The following PLCB4 variants were observed in gnomAD, a reference collection of about 807,000 sequenced individuals.
PLCB4 encodes the protein phospholipase C beta 4, also known as 1-phosphatidylinositol 4,5-bisphosphate phosphodiesterase beta-4.
In PLCB4, 77 loss-of-function variants were observed where a neutral mutation model predicts 178.8. The observed-to-expected ratio is 0.43, with a 90% confidence interval of 0.36 to 0.52. PLCB4 has a LOEUF of 0.52. Ranked by LOEUF, PLCB4 falls within the 20% of genes least tolerant of loss-of-function variation. The pLI, the probability that PLCB4 is intolerant of heterozygous loss-of-function variation, is 0.00. For synonymous variants in PLCB4, 496 were observed against 490.8 expected, an observed-to-expected ratio of 1.01 and a Z score of -0.14; for missense variants, 1,024 against 1,453.4, an observed-to-expected ratio of 0.70 and a Z score of 4.80.
At chr20:9,165,795 G>T (rs986211757) in intron 2 of PLCB4, among the ~76,000 whole-genome samples, 14 of 97,068 alleles carry the variant, frequency 1.4e-4, no homozygotes, top group Admixed American at 1.4e-3. Flanking sequence ...GGGGCTGTTT[G>T]TGTGTGTGTG....
intron 2 of PLCB4, among the ~76,000 whole-genome samples, chr20:9,136,207 G>A (rs1439268605): frequency 6.6e-6 from 1 of 152,140 alleles, no homozygotes; most frequent in Non-Finnish European, 1.5e-5. Context: ...GTTATGCATT[G>A]TCTTAGGTTG....
At chr20:9,193,242 T>A (rs1383741182) in intron 2 of PLCB4, among the ~76,000 whole-genome samples, 1 of 151,942 alleles carries the variant, frequency 6.6e-6, no homozygotes, top group Non-Finnish European at 1.5e-5. Context: ...GGTAGAAGAG[T>A]AAGAAAGTGA....
At chr20:9,222,308 G>T (rs2147296915) in intron 3 of PLCB4, among the ~76,000 whole-genome samples, 1 of 152,028 alleles carries the variant, frequency 6.6e-6, no homozygotes, top group East Asian at 1.9e-4. Context: ...GACGAGGCTG[G>T]TTTGGAGTTC....
chr20:9,473,082 A>G (rs1262357033), intron 37 of PLCB4, among the ~76,000 whole-genome samples, 197 bp from the exon 38 acceptor site: 1 of 152,136 alleles, frequency 6.6e-6, no homozygotes, highest in Non-Finnish European at 1.5e-5. Context: ...TAAGTCCTCT[A>G]TTATTTTCTA....
chr20:9,372,247 C>T (rs1602179659), intron 10 of PLCB4, 56 bp from the exon 11 acceptor site: 1 of 985,042 alleles, frequency 1.0e-6, no homozygotes, highest in African/African-American at 1.6e-5. Context: ...TGTAGCTTCT[C>T]ACCCTCCAAG....
chr20:9,086,741 T>C (rs946851615), intron 1 of PLCB4, among the ~76,000 whole-genome samples: 2 of 152,118 alleles, frequency 1.3e-5, no homozygotes, highest in Non-Finnish European at 2.9e-5. Context: ...TTGAATGAGC[T>C]CAGATTAGGA....
chr20:9,076,124 A>AG (rs2089850935), intron 1 of PLCB4, among the ~76,000 whole-genome samples: 1 of 151,942 alleles, frequency 6.6e-6, no homozygotes, highest in African/African-American at 2.4e-5. Context: ...CACAAAGTTG[A>AG]GGGGGGAAGG....
chr20:9,277,117 A>G (rs983819566), intron 3 of PLCB4, among the ~76,000 whole-genome samples: 6 of 152,050 alleles, frequency 3.9e-5, no homozygotes, highest in Non-Finnish European at 7.4e-5. Flanking sequence ...TGTGACTGTC[A>G]TCTTCCTTCC....
At chr20:9,134,481 C>T (rs1291543484) in intron 2 of PLCB4, among the ~76,000 whole-genome samples, 1 of 151,692 alleles carries the variant, frequency 6.6e-6, no homozygotes, top group Non-Finnish European at 1.5e-5. Flanking sequence ...CCCTCTTGGC[C>T]CTGAAACTCA....
chr20:9,348,091 G>T (rs1405110008), intron 7 of PLCB4, among the ~76,000 whole-genome samples: 1 of 152,186 alleles, frequency 6.6e-6, no homozygotes, highest in Non-Finnish European at 1.5e-5. Flanking sequence ...TGTACACATG[G>T]AAATCCCTAG....
chr20:9,378,580 C>G lies in PLCB4; in HGVS notation c.745-1474C>G, dbSNP rs76915057. Among the ~76,000 whole-genome samples, 1,217 of 152,248 alleles carry G rather than the reference C, an allele frequency of 8.0e-3. 11 individuals carry two copies. Among genetic ancestry groups the G allele is most frequent in the African/African-American group, 0.028 (1,148 of 41,560 alleles). ...TTGCCTGGCATTCCATGGTCCACCT[C>G]ACAATCCTCTTCCCTGCATATCCCA... On this transcript the variant is annotated intron_variant, in intron 12 of 39. Coordinates refer to ENST00000378473, the MANE Select transcript of PLCB4 (RefSeq NM_001377142.1).
At chr20:9,190,754 A>G (rs996986192) in intron 2 of PLCB4, among the ~76,000 whole-genome samples, 4 of 152,148 alleles carry the variant, frequency 2.6e-5, no homozygotes, top group African/African-American at 7.2e-5. Flanking sequence ...TGGTTTGAAC[A>G]TTTTGTATTT....
At chr20:9,239,101 T>C (rs1329496457) in intron 3 of PLCB4, among the ~76,000 whole-genome samples, 2 of 152,226 alleles carry the variant, frequency 1.3e-5, no homozygotes, top group African/African-American at 4.8e-5. Flanking sequence ...TTATAGTTCT[T>C]TCTGTGGCCC....
intron 4 of PLCB4, among the ~76,000 whole-genome samples, chr20:9,335,148 A>T (rs781668901): frequency 6.6e-6 from 1 of 152,156 alleles, no homozygotes; most frequent in Non-Finnish European, 1.5e-5. Context: ...CATTGCCGTC[A>T]GGATATTCAT....
chr20:9,312,353 TACACACACACACACACACACACAC>T (rs34443371), intron 4 of PLCB4, among the ~76,000 whole-genome samples: 2 of 127,782 alleles, frequency 1.6e-5, no homozygotes, highest in Non-Finnish European at 3.4e-5. Context: ...CCTTCCACCC[TACACACACACACACACACACACAC>T]ACACACACAC....
At chr20:9,174,040 T>C (rs1394541088) in intron 2 of PLCB4, among the ~76,000 whole-genome samples, 2 of 152,242 alleles carry the variant, frequency 1.3e-5, no homozygotes, top group African/African-American at 4.8e-5. Flanking sequence ...TATATCTTAT[T>C]TTTAAATGCT....
At chr20:9,260,001 A>T (rs1425752437) in intron 3 of PLCB4, among the ~76,000 whole-genome samples, 1 of 152,136 alleles carries the variant, frequency 6.6e-6, no homozygotes, top group Non-Finnish European at 1.5e-5. Flanking sequence ...GCAGTCCCTG[A>T]TCTAGAGATT....
At chr20:9,182,050 GTTC>G (rs573272997) in intron 2 of PLCB4, among the ~76,000 whole-genome samples, 9 of 152,160 alleles carry the variant, frequency 5.9e-5, no homozygotes, top group Non-Finnish European at 1.2e-4. Flanking sequence ...CTGTTTTGTT[GTTC>G]TTTGTCCATA....
intron 3 of PLCB4, among the ~76,000 whole-genome samples, chr20:9,247,921 A>C (rs1012176018): frequency 2.0e-4 from 30 of 152,158 alleles, no homozygotes; most frequent in African/African-American, 7.2e-4. Flanking sequence ...TTCTTAAAAA[A>C]CATTTTTCTT....
Sources: allele counts gnomAD v4.1 joint callset (sites outside exome capture counted in the v4.1 genomes callset), GRCh38; gene constraint gnomAD v4.1.1; transcripts MANE v1.5; gene names NCBI Gene and HGNC (gene_info 2026-07-23, HGNC 2026-07-21).